PPP1R12C: variants seen among roughly 807,000 people sequenced by gnomAD.
PPP1R12C encodes protein phosphatase 1 regulatory subunit 12C, also known as leukocyte receptor cluster (LRC) encoded novel gene 3.
PPP1R12C carries 48 observed loss-of-function variants against 95.6 expected under a neutral mutation model. The ratio of observed to expected loss-of-function variants is 0.50; its 90% CI spans 0.40 to 0.64. The LOEUF (loss-of-function observed/expected upper bound fraction) is 0.64, where lower values mean the gene tolerates loss of function less well. PPP1R12C is among the 30% of genes least tolerant of loss of function. The probability of loss-of-function intolerance (pLI) is 0.00; values close to 1 mark genes in which losing one functional copy is unlikely to be tolerated. For synonymous variants in PPP1R12C, 480 were observed against 460.8 expected (o/e 1.04, Z -0.53); for missense variants, 1,057 against 1,083.3 (o/e 0.98, Z 0.34).
Position 55,099,092 on chromosome 19 carries a change from C to A in PPP1R12C, c.735G>T (p.Leu245Phe). The A allele has an allele frequency of 6.5e-7, 1 of 1,538,688 alleles. No individual in the cohort carries two copies. Among genetic ancestry groups the A allele is most frequent in the South Asian group, 1.2e-5 (1 of 82,428 alleles). Residue 245 changes from leucine (L) to phenylalanine (F), a missense_variant, in exon 5 of 22, where the codon TTG becomes TTT. Leu to Phe is a conservative substitution (Grantham distance 22). This residue lies in a region of PPP1R12C where 282 missense variants were observed against 380.4 expected (regional missense o/e 0.74). Transcript: ENST00000263433. ...AAKGYIEVMR[L>F]LLQAGYDPEL... ...CTGGGTCGTAGCCAGCCTGAAGGAG[C>A]AACCTGGGGGCCAGGGAGGCTCAGG...
chr19:55,111,150 A>AGGGGGGGGGGGGGGGGGGGGGG (rs66532829), intron 3 of PPP1R12C, among the ~76,000 whole-genome samples: 1 of 65,090 alleles, frequency 1.5e-5, no homozygotes, highest in African/African-American at 4.4e-5. Flanking sequence ...GGTGGGGGGG[A>AGGGGGGGGGGGGGGGGGGGGGG]GGGGGGGGTG....
chr19:55,106,475 T>C (rs1010648063), intron 3 of PPP1R12C, among the ~76,000 whole-genome samples: 1 of 152,224 alleles, frequency 6.6e-6, no homozygotes, highest in Admixed American at 6.5e-5. Context: ...TCCGCCCTTG[T>C]CAGCACTTGG....
rs765264618 is a variant in PPP1R12C at position 55,098,997 on chromosome 19, C to T, written c.830G>A (p.Arg277His). The T allele has an allele frequency of 1.9e-6, 3 of 1,558,994 alleles. No individual in the cohort carries two copies. The highest frequency in any genetic ancestry group is 2.3e-5 in the South Asian group (2 of 85,184). The change falls in exon 5 of 22, where the codon CGC (arginine) becomes CAC (histidine). Residue 277 changes from arginine (R) to histidine (H), a missense_variant. Arg to His is a conservative substitution (Grantham distance 29, BLOSUM62 0). Coordinates refer to ENST00000263433, the MANE Select transcript of PPP1R12C (RefSeq NM_017607.4). ...AAHWGVEDAC[R>H]LLAEHGGGMD... ...GCCCCCGCCATGCTCGGCCAGCAGGCGGCAGGCATCCTCCACGCCCCAGTG... is the reference window on the plus strand; with the variant it reads ...GCCCCCGCCATGCTCGGCCAGCAGGTGGCAGGCATCCTCCACGCCCCAGTG...
In PPP1R12C at chr19:55,091,941, CAGA is replaced by C. The variant is rs768314535; in HGVS notation, c.2161-35_2161-33del. The C allele has an allele frequency of 3.1e-5, 50 of 1,611,584 alleles. No individual in the cohort carries two copies. In the African/African-American group the frequency reaches 3.9e-4, roughly 12 times the overall value. ...AGGACACAGAAAGCACAGGGGTCAG[CAGA>C]AGAAGCCAGCACTGCTCTGAAGGGT... On this transcript the variant is annotated intron_variant, in intron 19 of 21. Coordinates refer to ENST00000263433, the MANE Select transcript of PPP1R12C (RefSeq NM_017607.4).
Position 55,117,420 on chromosome 19 carries a change from G to A in PPP1R12C, c.124C>T (p.Arg42Cys), listed in dbSNP as rs1239567498. The A allele has an allele frequency of 2.0e-6, 2 of 1,010,808 alleles. No homozygotes were observed. The highest frequency in any genetic ancestry group is 1.2e-6 in the Non-Finnish European group (1 of 848,596). The allele number at this position is 1,010,808 out of a possible 1,614,324, so 62.6% of individuals were successfully genotyped here. ...TCGAAGCGGACGGTGCGGGCGCGGC[G>A]CTCTCCGGGGCCAGGCTCGGCGCCC... ...RAGAEPGPGE[R>C]RARTVRFERA... is the part of the protein sequence containing the mutation. The change falls in exon 1 of 22, where the codon CGC becomes TGC. Residue 42 changes from arginine to cysteine, a missense_variant. Around this residue, in one of 5 missense-constraint regions of PPP1R12C, gnomAD observed 70 missense variants for 47.8 expected, o/e 1.46. Coordinates refer to ENST00000263433, the MANE Select transcript of PPP1R12C (RefSeq NM_017607.4).
At chr19:55,117,025 A>T (rs1277272152) in intron 1 of PPP1R12C, among the ~76,000 whole-genome samples, 198 bp downstream of exon 1, 1 of 151,678 alleles carries the variant, frequency 6.6e-6, no homozygotes, top group Non-Finnish European at 1.5e-5. Context: ...GGCCAGTTGA[A>T]GCGGCTCCAA....
chr19:55,093,287 C>G (rs977008397), intron 13 of PPP1R12C, 54 bp from the exon 14 acceptor site: 1 of 1,541,054 alleles, frequency 6.5e-7, no homozygotes, highest in African/African-American at 1.4e-5. Flanking sequence ...CCAGCCCCTC[C>G]TCCCTCAGAC....
At chr19:55,111,300 A>G (rs956515078) in intron 3 of PPP1R12C, 2 of 152,196 alleles carry the variant, frequency 1.3e-5, no homozygotes. Flanking sequence ...GGTGAATTGT[A>G]GGGTAGGTGA....
rs1455572684 is a variant in PPP1R12C, at chr19:55,092,819, G to C, written c.1875C>G (p.His625Gln). The C allele has an allele frequency of 3.2e-6, 5 of 1,564,810 alleles. No individual in the cohort carries two copies. The East Asian group carries it at 9.6e-5, about 30-fold the overall frequency. Residue 625 changes from histidine to glutamine, a missense_variant, in exon 16 of 22, where the codon CAC becomes CAG. Around this residue, in one of 5 missense-constraint regions of PPP1R12C, gnomAD observed 347 missense variants for 307.9 expected, o/e 1.13. Coordinates refer to ENST00000263433, the MANE Select transcript of PPP1R12C (RefSeq NM_017607.4). ...QGPGPQAARE[H>Q]RKVGKEWRGP... ...CCCTCCACTCCTTTCCGACCTTGCG[G>C]TGCTCCCTGGCCGCCTGCGGTCCCG...
intron 3 of PPP1R12C, chr19:55,111,873 T>C (rs1296022444): frequency 6.6e-6 from 1 of 152,142 alleles, no homozygotes; most frequent in East Asian, 1.9e-4. Context: ...CAGGCAGAGC[T>C]GGGAGGCAAG....
chr19:55,095,775 C>G, intron 9 of PPP1R12C, 92 bp downstream of exon 9: 1 of 1,536,666 alleles, frequency 6.5e-7, no homozygotes, highest in Non-Finnish European at 9.0e-7. Flanking sequence ...TAGTCTTCCC[C>G]CTATCTGCCC....
At position 55,093,099 on chromosome 19, in the gene PPP1R12C, C is replaced by T. The variant is rs150236000; in HGVS notation, c.1765-23G>A. The T allele has an allele frequency of 1.8e-4, 294 of 1,612,256 alleles. 1 individual carries two copies. In the African/African-American group the frequency reaches 3.6e-3, roughly 20 times the overall value. On this transcript the variant is annotated intron_variant, in intron 14 of 21. Transcript: ENST00000263433. ...GTCCTGTCGGGAGGGGGAGGCGAGTCAGGGAAGCAGGACATCCCGCACCAC... is the reference window on the plus strand; with the variant it reads ...GTCCTGTCGGGAGGGGGAGGCGAGTTAGGGAAGCAGGACATCCCGCACCAC...
rs2147212397 is a variant in PPP1R12C, at chr19:55,112,553, G to A, written c.485C>T (p.Ala162Val). Residue 162 changes from alanine (A) to valine (V), a missense_variant, in exon 3 of 22, where the codon GCC becomes GTC. Around this residue, in one of 5 missense-constraint regions of PPP1R12C, gnomAD observed 282 missense variants for 380.4 expected, o/e 0.74. Transcript: ENST00000263433. Reference protein sequence around the residue: ...YLLSHGANIAAVNSDGDLPLD... With the variant: ...YLLSHGANIAVVNSDGDLPLD... ...GGGCAGGTCCCCGTCACTGTTGACG[G>A]CGGCGATGTTGGCCCCGTGGCTCAG... 6.2e-7 allele frequency: 1 copy of A among 1,613,292 alleles called. No individual in the cohort carries two copies. Among genetic ancestry groups the A allele is most frequent in the South Asian group, 1.1e-5 (1 of 91,062 alleles).
chr19:55,097,420 CGCA>C, intron 6 of PPP1R12C, among the ~76,000 whole-genome samples: 1 of 132,122 alleles, frequency 7.6e-6, no homozygotes, highest in African/African-American at 2.8e-5. Flanking sequence ...ACCCCTTCCC[CGCA>C]GTTCACCACC....
At chr19:55,103,023 G>GA (rs1568814137) in intron 4 of PPP1R12C, among the ~76,000 whole-genome samples, 1 of 152,072 alleles carries the variant, frequency 6.6e-6, no homozygotes, top group Non-Finnish European at 1.5e-5. Flanking sequence ...GCCACATGGT[G>GA]AAACCCCATC....
chr19:55,091,970 C>T, intron 19 of PPP1R12C, 61 bp from the exon 20 acceptor site: 2 of 1,588,172 alleles, frequency 1.3e-6, no homozygotes, highest in South Asian at 2.2e-5. Flanking sequence ...TCTGAAGGGT[C>T]CTAGGCTCCT....
chr19:55,116,007 G>C (rs74791600), intron 1 of PPP1R12C, among the ~76,000 whole-genome samples: 3,654 of 152,232 alleles, frequency 0.024, 123 homozygotes, highest in African/African-American at 0.083. Context: ...GAGAGGTAAG[G>C]GGGGTAGGGG....
At chr19:55,100,084 C>T (rs571137880) in intron 4 of PPP1R12C, among the ~76,000 whole-genome samples, 10 of 152,310 alleles carry the variant, frequency 6.6e-5, no homozygotes, top group African/African-American at 1.2e-4. Flanking sequence ...AGCGTCCGCT[C>T]GCCGCTGGCC....
At chr19:55,098,291 C>T (rs995040477) in intron 6 of PPP1R12C, among the ~76,000 whole-genome samples, 2 of 152,224 alleles carry the variant, frequency 1.3e-5, no homozygotes, top group Non-Finnish European at 2.9e-5. Flanking sequence ...AGGAAAGTGG[C>T]TGGCTGAGAC....
Sources: allele counts gnomAD v4.1 joint callset (sites outside exome capture counted in the v4.1 genomes callset), GRCh38; gene constraint gnomAD v4.1.1; regional missense constraint gnomAD v4.1.1; transcripts MANE v1.5; gene names NCBI Gene and HGNC (gene_info 2026-07-23, HGNC 2026-07-21).